ZHX3: variants seen among roughly 807,000 people sequenced by gnomAD.
ZHX3 encodes the protein zinc fingers and homeoboxes 3.
ZHX3 carries 20 observed loss-of-function variants against 64.5 expected under a neutral mutation model. That is an observed-to-expected ratio of 0.31 (90% CI 0.22 to 0.45). The LOEUF is 0.45. Among genes scored for constraint, ZHX3 ranks in the 20% least tolerant of loss-of-function variants. The pLI is 1.00. For synonymous variants in ZHX3, 423 were observed against 461.6 expected, an observed-to-expected ratio of 0.92 and a Z score of 1.07; for missense variants, 1,041 against 1,195.8, an observed-to-expected ratio of 0.87 and a Z score of 1.91.
At chr20:41,315,126 T>C (rs1478694397) in intron 1 of ZHX3, among the ~76,000 whole-genome samples, 1 of 152,134 alleles carries the variant, frequency 6.6e-6, no homozygotes, top group Non-Finnish European at 1.5e-5. Flanking sequence ...TATGTTAATA[T>C]CCAGGGACCA....
At chr20:41,277,669 G>A (rs1738027537) in intron 1 of ZHX3, among the ~76,000 whole-genome samples, 1 of 150,364 alleles carries the variant, frequency 6.7e-6, no homozygotes, top group South Asian at 2.1e-4. Flanking sequence ...TCCGCTCACT[G>A]CAAGCTCCGC....
intron 2 of ZHX3, among the ~76,000 whole-genome samples, chr20:41,254,436 TTG>T (rs1431765634): frequency 2.6e-5 from 4 of 152,154 alleles, no homozygotes; most frequent in Admixed American, 2.6e-4. Flanking sequence ...TGCCACACAG[TTG>T]GTGTTTGAGA....
At position 41,223,423 on chromosome 20, in the gene ZHX3, G is replaced by A. The variant is rs75921285; in HGVS notation, c.-150-18357C>T. 6.2e-4 allele frequency among the ~76,000 whole-genome samples: 94 copies of A among 152,308 alleles called. No individual in the cohort carries two copies. The East Asian group carries it at 0.015, about 25-fold the overall frequency. On this transcript the variant is annotated intron_variant, in intron 2 of 3. Coordinates refer to ENST00000683867, the MANE Select transcript of ZHX3 (RefSeq NM_001384317.1). ...GAAATAACCTAATCACTCATCAACA[G>A]GAGATAATCAAATCAATTATGGCAC...
intron 2 of ZHX3, among the ~76,000 whole-genome samples, chr20:41,256,329 A>G (rs963389246): frequency 6.6e-6 from 1 of 151,624 alleles, no homozygotes; most frequent in Admixed American, 6.6e-5. Context: ...AGAAATACCC[A>G]CTGACAGAAT....
At chr20:41,297,222 T>C (rs1332721752) in intron 1 of ZHX3, among the ~76,000 whole-genome samples, 4 of 152,216 alleles carry the variant, frequency 2.6e-5, no homozygotes, top group African/African-American at 9.7e-5. Flanking sequence ...AATTCTAAAA[T>C]ACTCCCAAGT....
intron 1 of ZHX3, among the ~76,000 whole-genome samples, chr20:41,280,508 TAAGG>T (rs1279161511): frequency 6.6e-6 from 1 of 152,170 alleles, no homozygotes; most frequent in African/African-American, 2.4e-5. Flanking sequence ...ATGGAGATAC[TAAGG>T]GAGAGGAACA....
At chr20:41,221,904 T>C (rs2039968659) in intron 2 of ZHX3, among the ~76,000 whole-genome samples, 1 of 152,170 alleles carries the variant, frequency 6.6e-6, no homozygotes, top group Non-Finnish European at 1.5e-5. Context: ...GACAGTAGTA[T>C]GAGACAAGGT....
rs1378430847 is a variant in ZHX3 at position 41,226,415 on chromosome 20, T to C, written c.-150-21349A>G. ...AGTAATATTCCATGATATGTATATA[T>C]CATATTTTATTTATCCATTCATCCA... is the stretch of plus-strand genomic sequence containing the variant. On this transcript the variant is annotated intron_variant, in intron 2 of 3. Transcript: ENST00000683867. The surrounding 1 kb of genome is among the most constrained non-coding windows in gnomAD (Gnocchi z 4.4). 6.6e-6 allele frequency among the ~76,000 whole-genome samples: 1 copy of C among 152,198 alleles called. No individual in the cohort carries two copies. Among genetic ancestry groups the C allele is most frequent in the Non-Finnish European group, 1.5e-5 (1 of 68,032 alleles).
Position 41,205,001 on chromosome 20 carries a change from C to G in ZHX3, c.-85G>C. ...CAAGTTCCAGCTTCTCGATGAGGGC[C>G]AAAGAAACAGTTTCTAAATGCAGCT... On this transcript the variant is annotated 5_prime_UTR_variant, in exon 3 of 4. Coordinates refer to ENST00000683867, the MANE Select transcript of ZHX3 (RefSeq NM_001384317.1). 7.1e-7 allele frequency: 1 copy of G among 1,412,120 alleles called. No homozygotes were observed. The allele number at this position is 1,412,120 out of a possible 1,614,324, so 87.5% of individuals were successfully genotyped here.
intron 1 of ZHX3, among the ~76,000 whole-genome samples, chr20:41,316,657 C>G (rs1164058615): frequency 1.3e-5 from 2 of 152,180 alleles, no homozygotes; most frequent in African/African-American, 4.8e-5. Flanking sequence ...CTCCCCCACC[C>G]CAAGTCACAT....
At chr20:41,260,827 C>A (rs906508633) in intron 2 of ZHX3, among the ~76,000 whole-genome samples, 2 of 152,108 alleles carry the variant, frequency 1.3e-5, no homozygotes, top group African/African-American at 4.8e-5. Context: ...AAAATTGAGG[C>A]ACAAAAGAAG....
At chr20:41,240,349 A>C (rs1191586649) in intron 2 of ZHX3, among the ~76,000 whole-genome samples, 1 of 152,212 alleles carries the variant, frequency 6.6e-6, no homozygotes, top group Non-Finnish European at 1.5e-5. Context: ...CAAATCATCG[A>C]ACTTACTGCA....
intron 2 of ZHX3, among the ~76,000 whole-genome samples, chr20:41,248,439 C>T (rs1024288919): frequency 2.0e-5 from 3 of 152,192 alleles, no homozygotes; most frequent in African/African-American, 7.2e-5. Flanking sequence ...ACACAGGCAG[C>T]TTCCAATCTC....
At chr20:41,254,904 G>T (rs1201809159) in intron 2 of ZHX3, among the ~76,000 whole-genome samples, 1 of 152,062 alleles carries the variant, frequency 6.6e-6, no homozygotes, top group African/African-American at 2.4e-5. Context: ...TATAATGAAT[G>T]TGTGCTACAG....
intron 1 of ZHX3, among the ~76,000 whole-genome samples, chr20:41,302,818 T>C (rs959535474): frequency 9.8e-5 from 15 of 152,360 alleles, no homozygotes; most frequent in African/African-American, 3.6e-4. Context: ...CACAGGTGAC[T>C]GGATTTTAAA....
At position 41,198,100 on chromosome 20, in the gene ZHX3, G is replaced by A. The variant is rs919628425; in HGVS notation, c.2860+3957C>T. ...GCTCACTGCAAGCTCTGCCTCCCAGGTTCAAGCGATTCTCCTGCCTCAGCC... is the reference window on the plus strand; with the variant it reads ...GCTCACTGCAAGCTCTGCCTCCCAGATTCAAGCGATTCTCCTGCCTCAGCC... On this transcript the variant is annotated intron_variant, in intron 3 of 3. Coordinates refer to ENST00000683867, the MANE Select transcript of ZHX3 (RefSeq NM_001384317.1). Among the ~76,000 whole-genome samples, 9 of 150,192 alleles carry A rather than the reference G, an allele frequency of 6.0e-5. No homozygotes were observed. In the East Asian group the frequency reaches 1.8e-3, roughly 29 times the overall value.
At chr20:41,255,114 T>C (rs984972593) in intron 2 of ZHX3, among the ~76,000 whole-genome samples, 5 of 152,070 alleles carry the variant, frequency 3.3e-5, no homozygotes, top group Non-Finnish European at 2.9e-5. Context: ...TTTGGAAGAT[T>C]CATGCCTGGA....
At chr20:41,306,158 T>G (rs970267762) in intron 1 of ZHX3, among the ~76,000 whole-genome samples, 4 of 152,188 alleles carry the variant, frequency 2.6e-5, no homozygotes, top group African/African-American at 9.7e-5. Flanking sequence ...AGTGAAATGT[T>G]AATATTCAGT....
At position 41,221,023 on chromosome 20, in the gene ZHX3, G is replaced by GA. The variant is rs372071556; in HGVS notation, c.-150-15958dup. ...TCAATTGGAAAAACGTGATTTTTTG[G>GA]AAAAAAAGAATCATGTTCCCTAAAA... On this transcript the variant is annotated intron_variant, in intron 2 of 3. Transcript: ENST00000683867. Among the ~76,000 whole-genome samples, 362 of 151,596 alleles carry GA rather than the reference G, an allele frequency of 2.4e-3. 1 individual carries two copies. The highest frequency in any genetic ancestry group is 8.3e-3 in the African/African-American group (344 of 41,354).
Sources: allele counts gnomAD v4.1 joint callset (sites outside exome capture counted in the v4.1 genomes callset), GRCh38; gene constraint gnomAD v4.1.1; non-coding constraint Gnocchi (gnomAD v3.1); transcripts MANE v1.5; gene names NCBI Gene and HGNC (gene_info 2026-07-23, HGNC 2026-07-21).